The following DYDC2 variants were observed in gnomAD, a reference collection of about 807,000 sequenced individuals.
The protein encoded by DYDC2 is DPY30 domain-containing protein 2.
A neutral mutation model predicts 18.7 loss-of-function variants in DYDC2; 19 were observed. The ratio of observed to expected loss-of-function variants is 1.02; its 90% CI spans 0.71 to 1.49. DYDC2 has a LOEUF of 1.49. Ranked by LOEUF, DYDC2 falls within the 40% of genes most tolerant of loss-of-function variation. DYDC2 has a pLI of 0.00. For synonymous variants in DYDC2, 63 were observed against 67.6 expected, an observed-to-expected ratio of 0.93 and a Z score of 0.34; for missense variants, 179 against 205.1, an observed-to-expected ratio of 0.87 and a Z score of 0.78.
upstream of DYDC2, chr10:80,352,408 G>T: frequency 1.3e-6 from 2 of 1,501,582 alleles, no homozygotes; most frequent in South Asian, 1.4e-5. Context: ...AGACAAGTTG[G>T]ACCAGTTTTT....
rs1025140096 is a variant in DYDC2, at chr10:80,358,022, G to GA, written c.-28dup. 6.9e-5 allele frequency: 68 copies of GA among 985,526 alleles called. No individual in the cohort carries two copies. In the African/African-American group the frequency reaches 1.1e-3, roughly 16 times the overall value. The allele number at this position is 985,526 out of a possible 1,614,324, so 61.0% of individuals were successfully genotyped here. On this transcript the variant is annotated 5_prime_UTR_variant, in exon 2 of 5. Transcript: ENST00000256039. ...CCTCAGAGGAGCTCTGGGAAACACT[G>GA]AAAAATAGCCTCTCCCCCCATTGGT...
At chr10:80,356,920 G>A (rs1286382258) in intron 1 of DYDC2, 95 bp downstream of exon 1, 7 of 923,198 alleles carry the variant, frequency 7.6e-6, no homozygotes, top group Non-Finnish European at 7.7e-6. Flanking sequence ...AGTAGAGGGG[G>A]CGCGGCAGAG....
chr10:80,354,621 A>G (rs1175929770), upstream of DYDC2: 1 of 152,164 alleles, frequency 6.6e-6, no homozygotes, highest in Non-Finnish European at 1.5e-5. Flanking sequence ...TCCCAATGTG[A>G]TGGTATTAGG....
rs559282396 is a variant in DYDC2, at chr10:80,346,244, G to A, written c.-310+1429G>A. Among the ~76,000 whole-genome samples, 4 of 152,310 alleles carry A rather than the reference G, an allele frequency of 2.6e-5. No individual in the cohort carries two copies. The East Asian group carries it at 7.7e-4, about 29-fold the overall frequency. ...TGCTGCAATGGACATGGGAGTGCAA[G>A]TAGTCTCTATAAGGTGCTGGTTTCA... On this transcript the variant is annotated intron_variant, in intron 1 of 4. Coordinates refer to the DYDC2 transcript ENST00000372197.
chr10:80,362,433 A>G lies in DYDC2; in HGVS notation c.-9-2A>G, dbSNP rs999580693. ...GTGTGACTTTGTTTTGATGTTTTCC[A>G]GGCTGCCAGGATGGAAACTAACTAC... is the stretch of plus-strand genomic sequence containing the variant. On this transcript the variant is annotated splice_acceptor_variant, in intron 2 of 4. Transcript: ENST00000256039. LOFTEE classifies it low-confidence loss of function (5UTR_SPLICE). 2.5e-6 allele frequency: 4 copies of G among 1,607,524 alleles called. No homozygotes were observed. The highest frequency in any genetic ancestry group is 2.7e-5 in the African/African-American group (2 of 74,774).
chr10:80,351,001 C>CA, intron 1 of DYDC2, among the ~76,000 whole-genome samples: 1 of 152,324 alleles, frequency 6.6e-6, no homozygotes, highest in Admixed American at 6.5e-5. Flanking sequence ...CACATCATCA[C>CA]ATAACCAAAT....
At chr10:80,360,896 C>G (rs1843648077) in intron 2 of DYDC2, among the ~76,000 whole-genome samples, 1 of 151,840 alleles carries the variant, frequency 6.6e-6, no homozygotes, top group Admixed American at 6.6e-5. Flanking sequence ...CCCAACCCCT[C>G]CAAGTAGCTG....
chr10:80,355,692 G>A (rs1361645017), upstream of DYDC2, among the ~76,000 whole-genome samples: 1 of 152,102 alleles, frequency 6.6e-6, no homozygotes, highest in Non-Finnish European at 1.5e-5. Flanking sequence ...TAAAGAAAAC[G>A]AGGTGCTGAA....
chr10:80,354,129 A>T (rs4933356), upstream of DYDC2, among the ~76,000 whole-genome samples: 79,832 of 147,488 alleles, frequency 0.54, 22,078 homozygotes, highest in East Asian at 0.94. Flanking sequence ...TATAAAAAAA[A>T]ATATATATAT....
intron 2 of DYDC2, 116 bp downstream of exon 2, chr10:80,358,161 T>G (rs1378864088): frequency 4.2e-6 from 3 of 709,794 alleles, no homozygotes; most frequent in Non-Finnish European, 5.2e-6. Context: ...GCGGATCACC[T>G]GAGGTGAGGA....
rs757940558 is a variant in DYDC2, at chr10:80,363,119, ATG to A, written c.270+47_270+48del. ...TTGGGTTGCCACACACATCCCAGTGATGGACTCCAGGAAAGCCACAAGTCAGC... is the reference window on the plus strand; with the variant it reads ...TTGGGTTGCCACACACATCCCAGTGAGACTCCAGGAAAGCCACAAGTCAGC... On this transcript the variant is annotated intron_variant, in intron 4 of 4. Transcript: ENST00000256039. 7,767 of 1,582,802 alleles carry A rather than the reference ATG, an allele frequency of 4.9e-3. 309 individuals carry two copies. In the African/African-American group the frequency reaches 0.088, roughly 18 times the overall value.
chr10:80,350,680 A>G (rs1842928910), intron 1 of DYDC2, among the ~76,000 whole-genome samples: 1 of 152,218 alleles, frequency 6.6e-6, no homozygotes, highest in Non-Finnish European at 1.5e-5. Flanking sequence ...TTCTATCCAC[A>G]TACTCAAATA....
chr10:80,348,800 C>G lies in DYDC2; in HGVS notation c.-310+3985C>G, dbSNP rs1033785438. 3.9e-5 allele frequency among the ~76,000 whole-genome samples: 6 copies of G among 152,318 alleles called. No homozygotes were observed. The South Asian group carries it at 1.2e-3, about 32-fold the overall frequency. ...ATATGCTTAATTTAAATTATACACACATAGACTGATAGCAACTTTTGACAG... is the reference window on the plus strand; with the variant it reads ...ATATGCTTAATTTAAATTATACACAGATAGACTGATAGCAACTTTTGACAG... On this transcript the variant is annotated intron_variant, in intron 1 of 4. Coordinates refer to the DYDC2 transcript ENST00000372197.
chr10:80,359,496 C>T (rs1441702073), intron 2 of DYDC2, among the ~76,000 whole-genome samples: 8 of 152,212 alleles, frequency 5.3e-5, no homozygotes, highest in Admixed American at 1.3e-4. Context: ...GTAGTGTGCC[C>T]GCACTCCTCA....
intron 2 of DYDC2, among the ~76,000 whole-genome samples, chr10:80,358,649 C>T (rs984067019): frequency 5.3e-5 from 8 of 152,124 alleles, no homozygotes; most frequent in Non-Finnish European, 2.9e-5. Flanking sequence ...TACAGTGATC[C>T]AGGCAAAGTA....
chr10:80,367,070 C>T lies in DYDC2; in HGVS notation c.*119C>T, dbSNP rs1298269239. ...GCAAGTTCAGGGACTCTCCAGCCTA[C>T]TCCTTTTCTGAAAAACCCTTAATCA... On this transcript the variant is annotated 3_prime_UTR_variant, in exon 5 of 5. Transcript: ENST00000256039. 4.8e-6 allele frequency: 6 copies of T among 1,242,362 alleles called. No homozygotes were observed. The highest frequency in any genetic ancestry group is 6.7e-6 in the Non-Finnish European group (6 of 902,014). 77.0% of individuals were successfully genotyped at this position (1,242,362 alleles called of 1,614,324 possible).
At chr10:80,362,294 T>G in intron 2 of DYDC2, 141 bp from the exon 3 acceptor site, 4 of 1,192,756 alleles carry the variant, frequency 3.4e-6, no homozygotes, top group Non-Finnish European at 3.5e-6. Flanking sequence ...AAGTAAGTGT[T>G]TGTTGGTTCT....
chr10:80,362,371 G>A (rs1257911578), intron 2 of DYDC2, 64 bp from the exon 3 acceptor site: 6 of 1,553,514 alleles, frequency 3.9e-6, no homozygotes, highest in Non-Finnish European at 5.2e-6. Flanking sequence ...TGGTTAGAAT[G>A]TGTCTATTTT....
chr10:80,358,533 A>C (rs190634206), intron 2 of DYDC2, among the ~76,000 whole-genome samples: 1 of 152,314 alleles, frequency 6.6e-6, no homozygotes, highest in African/African-American at 2.4e-5. Flanking sequence ...AATTTAGAGT[A>C]GGGGGAGGTA....
Sources: allele counts gnomAD v4.1 joint callset (sites outside exome capture counted in the v4.1 genomes callset), GRCh38; gene constraint gnomAD v4.1.1; transcripts MANE v1.5; gene names NCBI Gene and HGNC (gene_info 2026-07-23, HGNC 2026-07-21).